The following ITGB2 variants were observed in gnomAD, a reference collection of about 807,000 sequenced individuals.
The protein encoded by ITGB2 is integrin beta-2.
A neutral mutation model predicts 86.8 loss-of-function variants in ITGB2; 56 were observed. The observed-to-expected ratio is 0.65, with a 90% CI of 0.52 to 0.81. ITGB2 has a LOEUF of 0.81. Among genes scored for constraint, ITGB2 ranks in the 30% least tolerant of loss-of-function variants. The probability of loss-of-function intolerance (pLI) is 0.00; values close to 1 mark genes in which losing one functional copy is unlikely to be tolerated. For synonymous variants in ITGB2, 457 were observed against 450.4 expected (o/e 1.01, Z -0.19); for missense variants, 948 against 1,061.2 (o/e 0.89, Z 1.48).
chr21:44,918,732 G>T (rs2084247703), intron 1 of ITGB2, among the ~76,000 whole-genome samples: 1 of 152,230 alleles, frequency 6.6e-6, no homozygotes, highest in African/African-American at 2.4e-5. Flanking sequence ...CACTAGGCAG[G>T]TCACGTCGAT....
chr21:44,892,102 C>T (rs890362698), intron 10 of ITGB2, 106 bp from the exon 11 acceptor site: 10 of 1,127,380 alleles, frequency 8.9e-6, no homozygotes, highest in African/African-American at 6.1e-5. Flanking sequence ...GGGGGTTCAG[C>T]GTGGGGAGGA....
In ITGB2 at chr21:44,928,803, C is replaced by T. The variant is rs1049837195; in HGVS notation, c.-153G>A. The T allele has an allele frequency of 4.6e-5, 8 of 173,550 alleles. 1 individual carries two copies. Among genetic ancestry groups the T allele is most frequent in the Non-Finnish European group, 9.9e-5 (8 of 80,742 alleles). The allele number at this position is 173,550 out of a possible 1,614,324, so 10.8% of individuals were successfully genotyped here. A position where few individuals can be genotyped will look rare whatever the true frequency, so the allele number is the denominator to read the frequency against. ...TGAGGACTTCTTTGGGGATGTGTCT[C>T]CAAGAAAAGTGTGGGCTGCCTTCCT... On this transcript the variant is annotated 5_prime_UTR_variant, in exon 1 of 16. Coordinates refer to the ITGB2 transcript ENST00000355153.
At chr21:44,919,027 GCA>G (rs1568909701) in intron 1 of ITGB2, among the ~76,000 whole-genome samples, 4 of 146,510 alleles carry the variant, frequency 2.7e-5, no homozygotes, top group Non-Finnish European at 6.0e-5. Flanking sequence ...GGAGGCACCT[GCA>G]GTTGCTCAGC....
intron 1 of ITGB2, among the ~76,000 whole-genome samples, chr21:44,926,146 T>A (rs1317458402): frequency 4.0e-5 from 6 of 151,530 alleles, no homozygotes; most frequent in Non-Finnish European, 5.9e-5. Flanking sequence ...AATTAATTAA[T>A]TAAATAAAGG....
Position 44,886,245 on chromosome 21 carries a change from G to A in ITGB2, c.*123C>T, listed in dbSNP as rs2083696363. 10 of 994,146 alleles carry A rather than the reference G, an allele frequency of 1.0e-5. No individual in the cohort carries two copies. Among genetic ancestry groups the A allele is most frequent in the Non-Finnish European group, 1.4e-5 (9 of 623,004 alleles). The allele number at this position is 994,146 out of a possible 1,614,324, so 61.6% of individuals were successfully genotyped here. ...GCCGGCCATGGCTGTCATTTTGAGG[G>A]CGGAAAATAACTGGATTTCTGGTTA... is the stretch of plus-strand genomic sequence containing the variant. On this transcript the variant is annotated 3_prime_UTR_variant, in exon 16 of 16. Coordinates refer to ENST00000652462, the MANE Select transcript of ITGB2 (RefSeq NM_000211.5).
intron 8 of ITGB2, among the ~76,000 whole-genome samples, chr21:44,896,004 C>T (rs919111292): frequency 6.6e-5 from 10 of 152,178 alleles, no homozygotes; most frequent in African/African-American, 1.7e-4. Flanking sequence ...TGTGAGTCCT[C>T]CTGCCTGCGG....
rs373223342 is a variant in ITGB2 at position 44,889,456 on chromosome 21, G to A, written c.1697C>T (p.Pro566Leu). 6.8e-5 allele frequency: 109 copies of A among 1,594,468 alleles called. No homozygotes were observed. The African/African-American group carries it at 7.0e-4, about 10-fold the overall frequency. ...LCFCGKCRCH[P>L]GFEGSACQCE... Reference sequence around the variant, plus strand: ...CTGGCACGCTGAGCCCTCAAAGCCCGGGTGGCAGCGGCACTTCCCGCAGAA... The same window carrying A: ...CTGGCACGCTGAGCCCTCAAAGCCCAGGTGGCAGCGGCACTTCCCGCAGAA... Residue 566 changes from proline to leucine, a missense_variant, in exon 13 of 16, where the codon CCG (proline) becomes CTG (leucine). Pro to Leu is a moderately conservative substitution (Grantham distance 98, BLOSUM62 -3). Transcript: ENST00000652462.
rs747141875 is a variant in ITGB2, at chr21:44,893,548, C to T, written c.1084-4G>A. 22 of 1,613,494 alleles carry T rather than the reference C, an allele frequency of 1.4e-5. No homozygotes were observed. The highest frequency in any genetic ancestry group is 4.0e-5 in the African/African-American group (3 of 74,918). On this transcript the variant is annotated splice_polypyrimidine_tract_variant and splice_region_variant and intron_variant, in intron 9 of 15. Transcript: ENST00000652462. ...GGAAGACCCTGGAGGAGAGTTTCTG[C>T]GGGCAGAGAGCGGTTACTCTTGGGG...
rs750325791 is a variant in ITGB2, at chr21:44,893,415, T to C, written c.1213A>G (p.Ile405Val). 1.2e-6 allele frequency: 2 copies of C among 1,613,978 alleles called. No homozygotes were observed. Among genetic ancestry groups the C allele is most frequent in the South Asian group, 1.1e-5 (1 of 91,070 alleles). ...QPRGDCDGVQ[I>V]NVPITFQVKV... ...GTGGCCAGGCTCACCGGGACATTGA[T>C]CTGCACGCCATCACAGTCACCTCTG... Residue 405 changes from isoleucine (I) to valine (V), a missense_variant, in exon 10 of 16, where the codon ATC becomes GTC. Ile to Val is a conservative substitution (Grantham distance 29). Coordinates refer to ENST00000652462, the MANE Select transcript of ITGB2 (RefSeq NM_000211.5).
intron 4 of ITGB2, among the ~76,000 whole-genome samples, chr21:44,904,588 A>G (rs931359774): frequency 3.3e-5 from 5 of 151,122 alleles, no homozygotes; most frequent in African/African-American, 1.2e-4. Context: ...CACACATACT[A>G]TATGTACTTG....
upstream of ITGB2, among the ~76,000 whole-genome samples, chr21:44,924,508 C>A (rs145737317): frequency 6.4e-3 from 975 of 152,214 alleles, 44 homozygotes; most frequent in Admixed American, 0.057. Flanking sequence ...ATTTGAGGAA[C>A]GTAACCATTC....
rs544325695 is a variant in ITGB2 at position 44,889,052 on chromosome 21, G to A, written c.1878-157C>T. 1,196 of 710,130 alleles carry A rather than the reference G, an allele frequency of 1.7e-3. 2 individuals carry two copies. The highest frequency in any genetic ancestry group is 5.4e-3 in the Middle Eastern group (14 of 2,592). 44.0% of individuals were successfully genotyped at this position (710,130 alleles called of 1,614,324 possible). ...CAAGTGGGGCAGATGCGGGTGCAGCGGGTGAACTGGAAGCCTGATCCCAGG... is the reference window on the plus strand; with the variant it reads ...CAAGTGGGGCAGATGCGGGTGCAGCAGGTGAACTGGAAGCCTGATCCCAGG... On this transcript the variant is annotated intron_variant, in intron 13 of 15. Coordinates refer to ENST00000652462, the MANE Select transcript of ITGB2 (RefSeq NM_000211.5).
intron 9 of ITGB2, chr21:44,894,123 G>T: frequency 5.0e-6 from 1 of 201,784 alleles, no homozygotes; most frequent in Non-Finnish European, 1.0e-5. Flanking sequence ...GGCGTCACCT[G>T]CATCCTCTGT....
At chr21:44,919,385 T>C (rs1174346762) in intron 1 of ITGB2, among the ~76,000 whole-genome samples, 3 of 152,148 alleles carry the variant, frequency 2.0e-5, no homozygotes, top group Non-Finnish European at 2.9e-5. Flanking sequence ...GATTCTGCTG[T>C]GAGCTGGATG....
Position 44,886,319 on chromosome 21 carries a change from A to G in ITGB2, c.*49T>C, listed in dbSNP as rs1233854190. ...TGGCAAGCCATGTCTCGGCCGCGTG[A>G]TGGGGCAGACATGGTGGGTCCTGAC... On this transcript the variant is annotated 3_prime_UTR_variant, in exon 16 of 16. Transcript: ENST00000652462. The G allele has an allele frequency of 5.3e-6, 8 of 1,512,938 alleles. No homozygotes were observed. Among genetic ancestry groups the G allele is most frequent in the South Asian group, 2.2e-5 (2 of 89,042 alleles). 93.7% of individuals were successfully genotyped at this position (1,512,938 alleles called of 1,614,324 possible).
At chr21:44,894,147 C>T (rs1425855165) in intron 9 of ITGB2, 4 of 177,122 alleles carry the variant, frequency 2.3e-5, no homozygotes, top group African/African-American at 9.5e-5. Context: ...AGGACAGAAA[C>T]ACCTCGGGCA....
chr21:44,901,157 C>T (rs546655427), intron 6 of ITGB2, among the ~76,000 whole-genome samples: 48 of 152,294 alleles, frequency 3.2e-4, no homozygotes, highest in Admixed American at 1.1e-3. Flanking sequence ...TGGTTCCACC[C>T]CAGGAACCAC....
chr21:44,894,829 G>C (rs2083840083), intron 9 of ITGB2, 142 bp downstream of exon 9: 1 of 710,552 alleles, frequency 1.4e-6, no homozygotes, highest in Non-Finnish European at 2.6e-6. Flanking sequence ...CCTGAGGGCA[G>C]GTCGGGAGGC....
chr21:44,887,582 C>T (rs1025966965), intron 14 of ITGB2, among the ~76,000 whole-genome samples: 6 of 152,066 alleles, frequency 3.9e-5, no homozygotes, highest in Admixed American at 2.0e-4. Flanking sequence ...TCCTGATCTG[C>T]ACCCTCACTC....
Sources: allele counts gnomAD v4.1 joint callset (sites outside exome capture counted in the v4.1 genomes callset), GRCh38; gene constraint gnomAD v4.1.1; transcripts MANE v1.5; gene names NCBI Gene and HGNC (gene_info 2026-07-23, HGNC 2026-07-21).